The following PDZD8 variants were observed in gnomAD, a reference collection of about 807,000 sequenced individuals.
PDZD8 encodes PDZ domain containing 8.
A neutral mutation model predicts 85.8 loss-of-function variants in PDZD8; 14 were observed. That is an observed-to-expected ratio of 0.16 (90% CI 0.11 to 0.26). PDZD8 has a LOEUF of 0.26. Among genes scored for constraint, PDZD8 ranks in the 10% least tolerant of loss-of-function variants. PDZD8 has a pLI of 1.00. For missense variants in PDZD8, 1,197 were observed against 1,424.3 expected (o/e 0.84, Z 2.57); for synonymous variants, 592 against 568.6 (o/e 1.04, Z -0.59).
chr10:117,299,936 C>T (rs1204006734), intron 3 of PDZD8, among the ~76,000 whole-genome samples: 1 of 152,130 alleles, frequency 6.6e-6, no homozygotes, highest in Non-Finnish European at 1.5e-5. Flanking sequence ...ATTACTATTG[C>T]ACTTGTGTGC....
chr10:117,317,201 C>G (rs1438647514), intron 3 of PDZD8, among the ~76,000 whole-genome samples: 1 of 152,140 alleles, frequency 6.6e-6, no homozygotes, highest in African/African-American at 2.4e-5. Flanking sequence ...ACATTAAATA[C>G]TGTTTAAATC....
chr10:117,344,293 A>G (rs1844666179), intron 1 of PDZD8, among the ~76,000 whole-genome samples: 1 of 152,376 alleles, frequency 6.6e-6, no homozygotes, highest in Admixed American at 6.5e-5. Flanking sequence ...AAGAAAATCG[A>G]TGACAATTTG....
chr10:117,315,991 TA>T (rs1199826725), intron 3 of PDZD8, among the ~76,000 whole-genome samples: 1 of 152,144 alleles, frequency 6.6e-6, no homozygotes, highest in Non-Finnish European at 1.5e-5. Flanking sequence ...GGACCCGAAA[TA>T]AATCACAAAT....
rs113112069 is a variant in PDZD8 at position 117,331,648 on chromosome 10, T to C, written c.995+9332A>G. On this transcript the variant is annotated intron_variant, in intron 2 of 4. Coordinates refer to ENST00000334464, the MANE Select transcript of PDZD8 (RefSeq NM_173791.5). ...ATTGTATGAGTGTATAGCATACCAA[T>C]ACAGCATTTAAAACATTTTGGAGTA... Among the ~76,000 whole-genome samples the C allele has an allele frequency of 6.8e-3, 1,039 of 152,334 alleles. 7 individuals carry two copies. Among genetic ancestry groups the C allele is most frequent in the Non-Finnish European group, 9.8e-3 (667 of 68,026 alleles).
intron 2 of PDZD8, among the ~76,000 whole-genome samples, chr10:117,322,947 T>G (rs994517148): frequency 6.6e-6 from 1 of 152,208 alleles, no homozygotes; most frequent in African/African-American, 2.4e-5. Flanking sequence ...ATCTTGGCTC[T>G]GGGAGACCCA....
At chr10:117,328,841 C>G (rs1231758930) in intron 2 of PDZD8, among the ~76,000 whole-genome samples, 1 of 152,184 alleles carries the variant, frequency 6.6e-6, no homozygotes. Context: ...CCTCCTCAGC[C>G]TCCCAAAGTG....
At chr10:117,286,894 G>T (rs1844674180) in intron 4 of PDZD8, among the ~76,000 whole-genome samples, 1 of 152,102 alleles carries the variant, frequency 6.6e-6, no homozygotes, top group South Asian at 2.1e-4. Context: ...ATCCATCTTT[G>T]GCAAGGTGTT....
At chr10:117,322,609 T>C (rs935559503) in intron 2 of PDZD8, among the ~76,000 whole-genome samples, 1 of 152,178 alleles carries the variant, frequency 6.6e-6, no homozygotes, top group African/African-American at 2.4e-5. Context: ...ATGTTGGTTC[T>C]ACATTCTTCA....
rs1226330157 is a variant in PDZD8 at position 117,282,221 on chromosome 10, C to A, written c.*1047G>T. 6.6e-6 allele frequency: 1 copy of A among 152,146 alleles called. No homozygotes were observed. Among genetic ancestry groups the A allele is most frequent in the Non-Finnish European group, 1.5e-5 (1 of 68,022 alleles). The allele number at this position is 152,146 out of a possible 1,614,324, so 9.4% of individuals were successfully genotyped here. Reference sequence around the variant, plus strand: ...TCCTTTCCTTCACAGAATACTCCTACATGAAAATGTTTTTTCTAAAACAAA... The same window carrying A: ...TCCTTTCCTTCACAGAATACTCCTAAATGAAAATGTTTTTTCTAAAACAAA... On this transcript the variant is annotated 3_prime_UTR_variant, in exon 5 of 5. Transcript: ENST00000334464.
intron 1 of PDZD8, among the ~76,000 whole-genome samples, chr10:117,355,644 C>CACCTACCT (rs2133869986): frequency 6.6e-6 from 1 of 152,240 alleles, no homozygotes; most frequent in South Asian, 2.1e-4. Flanking sequence ...ATAACAATTA[C>CACCTACCT]ACCTACCTCA....
intron 2 of PDZD8, among the ~76,000 whole-genome samples, chr10:117,320,773 G>A (rs1477780478): frequency 6.6e-6 from 1 of 151,850 alleles, no homozygotes; most frequent in Non-Finnish European, 1.5e-5. Flanking sequence ...ATTTGATAAG[G>A]GCCTAGTATC....
chr10:117,338,163 C>T (rs1479340105), intron 2 of PDZD8, among the ~76,000 whole-genome samples: 1 of 152,074 alleles, frequency 6.6e-6, no homozygotes. Context: ...AAAACAGTAA[C>T]GTTAAGTTTT....
intron 1 of PDZD8, among the ~76,000 whole-genome samples, chr10:117,349,158 G>A (rs767055688): frequency 6.6e-6 from 1 of 152,198 alleles, no homozygotes; most frequent in Non-Finnish European, 1.5e-5. Flanking sequence ...AGAGGGCAAC[G>A]ATGTCCTAAA....
intron 3 of PDZD8, among the ~76,000 whole-genome samples, chr10:117,302,818 G>A (rs183700325): frequency 1.8e-4 from 27 of 152,248 alleles, no homozygotes; most frequent in Admixed American, 1.3e-3. Flanking sequence ...AGGGGTTTCC[G>A]CTTTTGCTTC....
chr10:117,326,314 T>C (rs1034062457), intron 2 of PDZD8, among the ~76,000 whole-genome samples: 1 of 152,206 alleles, frequency 6.6e-6, no homozygotes, highest in African/African-American at 2.4e-5. Context: ...GTTTCATGCC[T>C]AATGTGTGGG....
intron 1 of PDZD8, among the ~76,000 whole-genome samples, chr10:117,364,054 C>A (rs1170495073): frequency 6.6e-6 from 1 of 152,072 alleles, no homozygotes; most frequent in Non-Finnish European, 1.5e-5. Context: ...AGGTTGCAAA[C>A]ACATATGTGT....
At chr10:117,336,173 C>T (rs1244206277) in intron 2 of PDZD8, among the ~76,000 whole-genome samples, 1 of 152,130 alleles carries the variant, frequency 6.6e-6, no homozygotes, top group Non-Finnish European at 1.5e-5. Flanking sequence ...AGTTTGTGTA[C>T]AGTGAACCAT....
At chr10:117,329,995 A>C (rs1844390032) in intron 2 of PDZD8, among the ~76,000 whole-genome samples, 1 of 52,010 alleles carries the variant, frequency 1.9e-5, no homozygotes, top group Non-Finnish European at 3.5e-5. Flanking sequence ...GAAGGAAGGA[A>C]GGAAGGGAGG....
intron 3 of PDZD8, among the ~76,000 whole-genome samples, chr10:117,298,508 T>C (rs1386465433): frequency 6.6e-6 from 1 of 152,170 alleles, no homozygotes; most frequent in African/African-American, 2.4e-5. Flanking sequence ...ATTATAGTAA[T>C]TACAGCACTG....
Sources: allele counts gnomAD v4.1 joint callset (sites outside exome capture counted in the v4.1 genomes callset), GRCh38; gene constraint gnomAD v4.1.1; transcripts MANE v1.5; gene names NCBI Gene and HGNC (gene_info 2026-07-23, HGNC 2026-07-21).